Variants in DMXL1 observed in about 807,000 individuals in gnomAD.
DMXL1 encodes Dmx like 1, also known as dmX-like protein 1.
A neutral mutation model predicts 319.2 loss-of-function variants in DMXL1; 99 were observed. The observed-to-expected ratio is 0.31, with a 90% CI of 0.26 to 0.37. The LOEUF is 0.37. DMXL1 is among the 10% of genes least tolerant of loss of function. The pLI, the probability that DMXL1 is intolerant of heterozygous loss-of-function variation, is 1.00. For synonymous variants in DMXL1, 1,385 were observed against 1,235.2 expected (o/e 1.12, Z -2.54); for missense variants, 3,745 against 3,595.6 (o/e 1.04, Z -1.06).
At chr5:119,174,901 T>C (rs903363367) in intron 25 of DMXL1, among the ~76,000 whole-genome samples, 1 of 152,252 alleles carries the variant, frequency 6.6e-6, no homozygotes, top group Non-Finnish European at 1.5e-5. Flanking sequence ...TATCAGGCTG[T>C]TTCTTCACAT....
intron 2 of DMXL1, chr5:119,100,492 G>GT (rs934141307): frequency 2.0e-5 from 3 of 149,876 alleles, no homozygotes; most frequent in Admixed American, 1.3e-4. Context: ...TATTATTACT[G>GT]TTTTTTTCTT....
At position 119,228,750 on chromosome 5, in the gene DMXL1, C is replaced by T. The variant is rs1488982039; in HGVS notation, c.8338+3981C>T. Reference sequence around the variant, plus strand: ...TATAATGTATTTTTGGGAAATTTGTCAAAAATATCAAACAGTTTAAAACAC... The same window carrying T: ...TATAATGTATTTTTGGGAAATTTGTTAAAAATATCAAACAGTTTAAAACAC... On this transcript the variant is annotated intron_variant, in intron 38 of 43. Transcript: ENST00000539542. Among the ~76,000 whole-genome samples, 6 of 151,946 alleles carry T rather than the reference C, an allele frequency of 3.9e-5. No homozygotes were observed. The East Asian group carries it at 1.2e-3, about 29-fold the overall frequency.
intron 8 of DMXL1, 62 bp from the exon 9 acceptor site, chr5:119,120,909 T>G: frequency 7.6e-7 from 1 of 1,309,998 alleles, no homozygotes. Context: ...ACAATCATTA[T>G]ATAACCTATA....
At chr5:119,239,474 A>T (rs977442163) in intron 41 of DMXL1, among the ~76,000 whole-genome samples, 4 of 152,174 alleles carry the variant, frequency 2.6e-5, no homozygotes, top group Non-Finnish European at 4.4e-5. Flanking sequence ...CACAGTAGAA[A>T]CAAGTTTTCT....
intron 42 of DMXL1, among the ~76,000 whole-genome samples, chr5:119,241,993 G>A (rs1032220746): frequency 6.6e-6 from 1 of 151,982 alleles, no homozygotes; most frequent in East Asian, 1.9e-4. Context: ...TACATTTCTC[G>A]ACTGTCGATG....
intron 38 of DMXL1, among the ~76,000 whole-genome samples, chr5:119,230,329 C>G (rs189274829): frequency 6.6e-6 from 1 of 152,224 alleles, no homozygotes; most frequent in East Asian, 1.9e-4. Flanking sequence ...ATCAGATGAA[C>G]TTGAAAAACA....
In DMXL1 at chr5:119,149,919, A is replaced by C; in HGVS notation, c.4092A>C (p.Glu1364Asp). Residue 1364 changes from glutamate to aspartate, a missense_variant, in exon 18 of 44, where the codon GAA (glutamate) becomes GAC (aspartate). Glu to Asp is a conservative substitution (Grantham distance 45). This residue lies in a region of DMXL1 where 2,096 missense variants were observed against 1,985.4 expected (regional missense o/e 1.06). Transcript: ENST00000539542. Reference protein sequence around the residue: ...AGEVVALNEAESNHERRLRSL... With the variant: ...AGEVVALNEADSNHERRLRSL... ...AAGTTGTGGCTCTGAATGAAGCTGAATCTAATCATGAACGCCGCCTTAGGT... is the reference window on the plus strand; with the variant it reads ...AAGTTGTGGCTCTGAATGAAGCTGACTCTAATCATGAACGCCGCCTTAGGT... 1 of 1,613,902 alleles carries C rather than the reference A, an allele frequency of 6.2e-7. No homozygotes were observed. Among genetic ancestry groups the C allele is most frequent in the Non-Finnish European group, 8.5e-7 (1 of 1,179,926 alleles).
In DMXL1 at chr5:119,150,307, C is replaced by A; in HGVS notation, c.4480C>A (p.Leu1494Ile). The change falls in exon 18 of 44, where the codon CTT becomes ATT. Residue 1494 changes from leucine (L) to isoleucine (I), a missense_variant. Coordinates refer to ENST00000539542, the MANE Select transcript of DMXL1 (RefSeq NM_001290321.3). ...EHAQVLSGHL[L>I]HSSLPGLSRM... ...TGCTCAGGTTCTTTCTGGCCACTTA[C>A]TTCATTCTAGTTTACCAGGACTCAG... The A allele has an allele frequency of 6.2e-7, 1 of 1,613,796 alleles. No individual in the cohort carries two copies. Among genetic ancestry groups the A allele is most frequent in the South Asian group, 1.1e-5 (1 of 91,076 alleles).
chr5:119,082,020 TACACACAC>T (rs565047535), intron 1 of DMXL1, among the ~76,000 whole-genome samples: 2,825 of 108,004 alleles, frequency 0.026, 57 homozygotes, highest in East Asian at 0.11. Context: ...TATATATATA[TACACACAC>T]ACACACACAC....
chr5:119,089,042 C>A lies in DMXL1; in HGVS notation c.88-8937C>A, dbSNP rs1237724669. Among the ~76,000 whole-genome samples the A allele has an allele frequency of 3.3e-5, 5 of 151,404 alleles. 1 individual carries two copies. The highest frequency in any genetic ancestry group is 3.3e-4 in the Admixed American group (5 of 15,174). ...TTTCATGTTGAAGAACTCCCTTTAG[C>A]ATTTTTGCAAGTCTTAATGGTGGTG... On this transcript the variant is annotated intron_variant, in intron 1 of 43. Coordinates refer to ENST00000539542, the MANE Select transcript of DMXL1 (RefSeq NM_001290321.3).
In DMXL1 at chr5:119,133,975, C is replaced by T. The variant is rs1332454440; in HGVS notation, c.2051C>T (p.Thr684Ile). 7 of 1,614,058 alleles carry T rather than the reference C, an allele frequency of 4.3e-6. No homozygotes were observed. In the African/African-American group the frequency reaches 8.0e-5, roughly 18 times the overall value. ...DALNIEECSLTQQNKSTVDVA... is the reference protein window; with the variant it reads ...DALNIEECSLIQQNKSTVDVA... ...CTAAATATTGAAGAATGCTCTTTGA[C>T]ACAACAAAATAAAAGCACTGTTGAC... The change falls in exon 12 of 44, where the codon ACA becomes ATA. Residue 684 changes from threonine to isoleucine, a missense_variant. Transcript: ENST00000539542.
intron 2 of DMXL1, among the ~76,000 whole-genome samples, chr5:119,101,401 G>A (rs932144381): frequency 1.3e-5 from 2 of 151,934 alleles, no homozygotes; most frequent in Admixed American, 6.6e-5. Flanking sequence ...TCAAGTTATA[G>A]TAGTAGTTAC....
At chr5:119,180,090 C>T (rs1184861497) in intron 28 of DMXL1, among the ~76,000 whole-genome samples, 2 of 152,106 alleles carry the variant, frequency 1.3e-5, no homozygotes, top group African/African-American at 4.8e-5. Flanking sequence ...TTTGCCAACC[C>T]CTGCTTTACA....
intron 13 of DMXL1, among the ~76,000 whole-genome samples, chr5:119,138,172 G>A (rs1469819518): frequency 6.6e-6 from 1 of 152,212 alleles, no homozygotes; most frequent in Non-Finnish European, 1.5e-5. Context: ...GGTAATGGCA[G>A]AGATGATAAA....
intron 8 of DMXL1, among the ~76,000 whole-genome samples, chr5:119,119,491 A>G (rs1761557944): frequency 6.6e-6 from 1 of 152,118 alleles, no homozygotes; most frequent in Non-Finnish European, 1.5e-5. Flanking sequence ...TCGTAGCCTA[A>G]AGGCTGAGAA....
chr5:119,081,974 T>A (rs931181661), intron 1 of DMXL1, among the ~76,000 whole-genome samples: 1 of 144,802 alleles, frequency 6.9e-6, no homozygotes, highest in Non-Finnish European at 1.5e-5. Flanking sequence ...CATAACTATT[T>A]CCCAGAGGAA....
At chr5:119,098,230 G>T (rs1386764150) in intron 2 of DMXL1, 126 bp downstream of exon 2, 3 of 1,142,940 alleles carry the variant, frequency 2.6e-6, no homozygotes, top group African/African-American at 3.3e-5. Context: ...GTAGCTAGAA[G>T]AATTTTTGGC....
intron 13 of DMXL1, among the ~76,000 whole-genome samples, chr5:119,135,944 G>C (rs919793689): frequency 6.6e-6 from 1 of 152,218 alleles, no homozygotes; most frequent in African/African-American, 2.4e-5. Flanking sequence ...AGCGGTGTTG[G>C]AACTGGGTAA....
chr5:119,240,401 C>CTT lies in DMXL1; in HGVS notation c.8652-6_8652-5dup, dbSNP rs377456338. 3.6e-3 allele frequency: 4,471 copies of CTT among 1,245,308 alleles called. 1 individual carries two copies. Among genetic ancestry groups the CTT allele is most frequent in the Non-Finnish European group, 4.4e-3 (3,902 of 893,120 alleles). The allele number at this position is 1,245,308 out of a possible 1,614,324, so 77.1% of individuals were successfully genotyped here. A position where few individuals can be genotyped will look rare whatever the true frequency, so the allele number is the denominator to read the frequency against. On this transcript the variant is annotated splice_polypyrimidine_tract_variant and intron_variant, in intron 41 of 43. Transcript: ENST00000539542. ...AGCTTTTGTGTCACTCAGAAGTAAT[C>CTT]TTTTTTTTTTTTTCCAGAAACGTAT...
Sources: gnomAD v4.1 joint callset for allele counts (sites outside exome capture counted in the v4.1 genomes callset) on GRCh38, gnomAD v4.1.1 for gene constraint, gnomAD v4.1.1 regional missense constraint, MANE v1.5 for transcripts, NCBI Gene and HGNC (gene_info 2026-07-23, HGNC 2026-07-21) for gene names.